PRICKLE2: variants seen among roughly 807,000 people sequenced by gnomAD.
The protein encoded by PRICKLE2 is prickle planar cell polarity protein 2, also known as prickle-like protein 2.
PRICKLE2 carries 21 observed loss-of-function variants against 81.4 expected under a neutral mutation model. The ratio of observed to expected loss-of-function variants is 0.26; its 90% CI spans 0.18 to 0.37. The LOEUF (loss-of-function observed/expected upper bound fraction) is 0.37. Ranked by LOEUF, PRICKLE2 falls within the 10% of genes least tolerant of loss-of-function variation. PRICKLE2 has a pLI of 1.00. For missense variants in PRICKLE2, 940 were observed against 1,109.0 expected (o/e 0.85, Z 2.16); for synonymous variants, 456 against 421.5 (o/e 1.08, Z -1.00).
At position 64,099,701 on chromosome 3, in the gene PRICKLE2, C is replaced by T. The variant is rs1383794109; in HGVS notation, c.1885G>A (p.Gly629Ser). The stretch of plus-strand genomic sequence containing the variant: ...CCGTGGGACTGCAGGTCTCTGTAGC[C>T]AATGGGGTTGCTGAGCTGGTGGAGG... ...GNLHQLSNPI[G>S]YRDLQSHGRM... Residue 629 changes from glycine (G) to serine (S), a missense_variant, in exon 8 of 8, where the codon GGC (glycine) becomes AGC (serine). By Grantham distance (56) the Gly-to-Ser change is moderately conservative. This residue lies in a region of PRICKLE2 where 670 missense variants were observed against 717.2 expected (regional missense o/e 0.93). Transcript: ENST00000638394. This position sits in a 1 kb window ranked among gnomAD's most constrained non-coding sequence, Gnocchi z 4.3. 1 of 1,614,194 alleles carries T rather than the reference C, an allele frequency of 6.2e-7. No homozygotes were observed. The highest frequency in any genetic ancestry group is 8.5e-7 in the Non-Finnish European group (1 of 1,180,040).
intron 1 of PRICKLE2, among the ~76,000 whole-genome samples, chr3:64,224,234 A>C (rs1275140089): frequency 2.0e-5 from 3 of 152,182 alleles, no homozygotes; most frequent in African/African-American, 7.2e-5. Context: ...CATAACAAAA[A>C]ACCATGGGAT....
At chr3:64,126,039 A>C (rs1046534323) in intron 7 of PRICKLE2, among the ~76,000 whole-genome samples, 7 of 152,266 alleles carry the variant, frequency 4.6e-5, no homozygotes, top group Admixed American at 6.5e-5. Context: ...GGGGAGAGTA[A>C]TCGTGGACAA....
intron 2 of PRICKLE2, among the ~76,000 whole-genome samples, chr3:64,252,119 G>C (rs1345692908): frequency 6.6e-6 from 1 of 152,130 alleles, no homozygotes; most frequent in Non-Finnish European, 1.5e-5. Context: ...AAAAAAGTAA[G>C]TAATAGGCAT....
Position 64,133,339 on chromosome 3 carries a change from G to C in PRICKLE2, c.1660+13491C>G, listed in dbSNP as rs537570002. Among the ~76,000 whole-genome samples the C allele has an allele frequency of 9.2e-5, 14 of 152,202 alleles. No individual in the cohort carries two copies. In the East Asian group the frequency reaches 2.7e-3, roughly 29 times the overall value. On this transcript the variant is annotated intron_variant, in intron 7 of 7. Transcript: ENST00000638394. The stretch of plus-strand genomic sequence containing the variant: ...GGGAGCTTGATGGGAAGCTCAGGCC[G>C]GGTTCGAATTTTTCTCCTGGAAGAG...
chr3:64,168,108 T>C (rs534896355), intron 2 of PRICKLE2, among the ~76,000 whole-genome samples: 2 of 152,208 alleles, frequency 1.3e-5, no homozygotes, highest in Non-Finnish European at 2.9e-5. Context: ...CTACCAGCTC[T>C]GGCAAGAACA....
At chr3:64,173,037 T>C (rs550599864) in intron 2 of PRICKLE2, among the ~76,000 whole-genome samples, 1 of 152,328 alleles carries the variant, frequency 6.6e-6, no homozygotes, top group African/African-American at 2.4e-5. Flanking sequence ...TGTAAGGAAC[T>C]GTTGAGTGCT....
Position 64,147,720 on chromosome 3 carries a change from A to G in PRICKLE2, c.788-18T>C, listed in dbSNP as rs1234268392. The stretch of plus-strand genomic sequence containing the variant: ...GTCGATACCTAAAAAAATGAGAGAC[A>G]TTGGAGAGGCTGATGAGCTGCTCAG... On this transcript the variant is annotated intron_variant, in intron 6 of 7. Transcript: ENST00000638394. The surrounding 1 kb of genome is among the most constrained non-coding windows in gnomAD (Gnocchi z 5.0). 3 of 1,613,150 alleles carry G rather than the reference A, an allele frequency of 1.9e-6. No homozygotes were observed. The highest frequency in any genetic ancestry group is 2.7e-5 in the African/African-American group (2 of 74,924).
chr3:64,097,132 C>G lies in PRICKLE2; in HGVS notation c.*1919G>C, dbSNP rs1384150747. 1.3e-5 allele frequency: 2 copies of G among 152,564 alleles called. No individual in the cohort carries two copies. Among genetic ancestry groups the G allele is most frequent in the East Asian group, 1.9e-4 (1 of 5,198 alleles). The allele number at this position is 152,564 out of a possible 1,614,324, so 9.5% of individuals were successfully genotyped here. A position where few individuals can be genotyped will look rare whatever the true frequency, so the allele number is the denominator to read the frequency against. ...AGATATGAAGATAGCATGCGGAAAA[C>G]AGCCACAACCAACATGTGCATTGCT... On this transcript the variant is annotated 3_prime_UTR_variant, in exon 8 of 8. Coordinates refer to ENST00000638394, the MANE Select transcript of PRICKLE2 (RefSeq NM_198859.4).
chr3:64,214,324 T>C (rs749659630), intron 1 of PRICKLE2, among the ~76,000 whole-genome samples: 2 of 152,122 alleles, frequency 1.3e-5, no homozygotes, highest in African/African-American at 2.4e-5. Context: ...AACAAGAGAA[T>C]CGAGCGATTG....
intron 2 of PRICKLE2, among the ~76,000 whole-genome samples, chr3:64,242,024 C>G (rs934279664): frequency 6.6e-6 from 1 of 152,110 alleles, no homozygotes; most frequent in African/African-American, 2.4e-5. Flanking sequence ...TATATTATTT[C>G]GCTCAGATTA....
intron 2 of PRICKLE2, among the ~76,000 whole-genome samples, chr3:64,184,506 G>T (rs2078187361): frequency 6.6e-6 from 1 of 152,100 alleles, no homozygotes; most frequent in Non-Finnish European, 1.5e-5. Flanking sequence ...ACAGGGCCTT[G>T]CTCTGTCACC....
chr3:64,157,031 C>T (rs1392495316), intron 5 of PRICKLE2, 131 bp downstream of exon 5: 4 of 858,502 alleles, frequency 4.7e-6, no homozygotes, highest in African/African-American at 1.7e-5. Context: ...GGCTTCTCTC[C>T]CAAAAGGGTT....
chr3:64,196,152 T>G (rs2078448966), intron 2 of PRICKLE2, among the ~76,000 whole-genome samples: 1 of 152,244 alleles, frequency 6.6e-6, no homozygotes, highest in South Asian at 2.1e-4. Flanking sequence ...CCCTAGCTTC[T>G]GCAATTGTCT....
chr3:64,224,274 C>T (rs1223302042), intron 1 of PRICKLE2, among the ~76,000 whole-genome samples: 6 of 152,268 alleles, frequency 3.9e-5, no homozygotes, highest in African/African-American at 1.4e-4. Flanking sequence ...GCAAGACCCC[C>T]ATGGCAAATT....
intron 2 of PRICKLE2, among the ~76,000 whole-genome samples, chr3:64,179,162 C>T (rs928240803): frequency 7.9e-5 from 12 of 152,032 alleles, no homozygotes; most frequent in African/African-American, 1.4e-4. Context: ...CCACAACCTC[C>T]ACCTCCTGGG....
chr3:64,267,120 C>T (rs1267362847), intron 2 of PRICKLE2, among the ~76,000 whole-genome samples: 1 of 151,962 alleles, frequency 6.6e-6, no homozygotes. Context: ...CACGGCTGCC[C>T]AGGCACTCCA....
intron 2 of PRICKLE2, among the ~76,000 whole-genome samples, chr3:64,264,903 C>A (rs1421548893): frequency 6.6e-6 from 1 of 152,196 alleles, no homozygotes; most frequent in Non-Finnish European, 1.5e-5. Context: ...TTTCTCTACA[C>A]AGGCTGGCTG....
At chr3:64,141,387 T>C (rs922538998) in intron 7 of PRICKLE2, among the ~76,000 whole-genome samples, 3 of 152,250 alleles carry the variant, frequency 2.0e-5, no homozygotes, top group African/African-American at 7.2e-5. Context: ...AGGGTTGTTG[T>C]GAGGACTGAG....
intron 7 of PRICKLE2, among the ~76,000 whole-genome samples, chr3:64,118,320 G>T (rs1391996897): frequency 6.6e-6 from 1 of 152,144 alleles, no homozygotes; most frequent in Non-Finnish European, 1.5e-5. Context: ...AAAAGCAATT[G>T]CGACAAAAGC....
Sources: allele counts gnomAD v4.1 joint callset (sites outside exome capture counted in the v4.1 genomes callset), GRCh38; gene constraint gnomAD v4.1.1; regional missense constraint gnomAD v4.1.1; non-coding constraint Gnocchi (gnomAD v3.1); transcripts MANE v1.5; gene names NCBI Gene and HGNC (gene_info 2026-07-23, HGNC 2026-07-21).